BCAP31: variants seen among roughly 807,000 people sequenced by gnomAD.
The protein encoded by BCAP31 is B-cell receptor-associated protein 31.
For synonymous variants in BCAP31, 75 were observed against 80.9 expected (o/e 0.93, Z 0.39); for missense variants, 124 against 193.0 (o/e 0.64, Z 2.12).
At chrX:153,719,813 C>T (rs1237123387) in intron 3 of BCAP31, among the ~76,000 whole-genome samples, 1 of 111,922 alleles carries the variant, frequency 8.9e-6, no homozygotes, top group Non-Finnish European at 1.9e-5. Flanking sequence ...TGATTCTTGT[C>T]TCCAGATGGT....
At chrX:153,702,274 A>G (rs2091523608) in intron 6 of BCAP31, 167 bp from the exon 7 acceptor site, 1 of 427,880 alleles carries the variant, frequency 2.3e-6, no homozygotes, top group African/African-American at 2.5e-5. Flanking sequence ...CAGGCCCCCA[A>G]AGTAGAGGGA....
intron 4 of BCAP31, among the ~76,000 whole-genome samples, chrX:153,712,565 C>T (rs1486750001): frequency 9.0e-6 from 1 of 111,160 alleles, no homozygotes; most frequent in African/African-American, 3.3e-5. Flanking sequence ...TTTTTAAACA[C>T]GGGAATGTTT....
At chrX:153,703,923 A>C (rs1557047889) in intron 5 of BCAP31, 36 bp downstream of exon 5, 2 of 1,204,259 alleles carry the variant, frequency 1.7e-6, no homozygotes, top group Non-Finnish European at 2.2e-6. Flanking sequence ...GTGTAACACC[A>C]GGACGCCCCA....
At chrX:153,717,525 C>T (rs1272083194) in intron 3 of BCAP31, among the ~76,000 whole-genome samples, 2 of 112,468 alleles carry the variant, frequency 1.8e-5, no homozygotes, top group Non-Finnish European at 3.8e-5. Flanking sequence ...GCAACCTCCA[C>T]CTCTCAGCCT....
chrX:153,707,383 A>AAG (rs1557048473), intron 4 of BCAP31, among the ~76,000 whole-genome samples: 6 of 107,309 alleles, frequency 5.6e-5, no homozygotes, highest in Non-Finnish European at 9.7e-5. Context: ...AAAAAAAAAA[A>AAG]GGGGGGGAGG....
chrX:153,711,120 T>TA (rs1400402939), intron 4 of BCAP31, among the ~76,000 whole-genome samples: 1 of 110,271 alleles, frequency 9.1e-6, no homozygotes, highest in Non-Finnish European at 1.9e-5. Flanking sequence ...CCTAGCACGA[T>TA]AGTGTTACTC....
chrX:153,709,191 AG>A (rs1284626521), intron 4 of BCAP31, among the ~76,000 whole-genome samples: 1 of 111,933 alleles, frequency 8.9e-6, no homozygotes, highest in Non-Finnish European at 1.9e-5. Flanking sequence ...ACTTAGGCAA[AG>A]GTAGTCTGTG....
chrX:153,714,452 G>T, intron 4 of BCAP31, among the ~76,000 whole-genome samples: 1 of 111,204 alleles, frequency 9.0e-6, no homozygotes, highest in Non-Finnish European at 1.9e-5. Context: ...CAAGCTTGTA[G>T]ATCAAATCTG....
At chrX:153,720,260 T>C (rs1340446831) in intron 3 of BCAP31, among the ~76,000 whole-genome samples, 1 of 111,051 alleles carries the variant, frequency 9.0e-6, no homozygotes, top group East Asian at 2.8e-4. Context: ...TCAGAAACCT[T>C]AGGCGTCCCT....
intron 7 of BCAP31, 25 bp from the exon 8 acceptor site, chrX:153,701,000 G>A: frequency 8.3e-7 from 1 of 1,197,738 alleles, no homozygotes; most frequent in Non-Finnish European, 1.1e-6. Flanking sequence ...AAATCCCACA[G>A]CAGTAGGTTG....
intron 4 of BCAP31, among the ~76,000 whole-genome samples, chrX:153,713,124 G>A (rs369546626): frequency 2.7e-5 from 3 of 111,125 alleles, no homozygotes; most frequent in South Asian, 3.8e-4. Context: ...GGAGAATGGC[G>A]TGAACCCGGG....
At chrX:153,703,660 C>T (rs1272365647) in intron 5 of BCAP31, among the ~76,000 whole-genome samples, 3 of 112,728 alleles carry the variant, frequency 2.7e-5, no homozygotes, top group African/African-American at 9.7e-5. Context: ...CTTCGGATCA[C>T]AGCAGAGGGC....
chrX:153,724,099 A>C, intron 1 of BCAP31: 1 of 295,240 alleles, frequency 3.4e-6, no homozygotes, highest in Non-Finnish European at 6.4e-6. Flanking sequence ...CCGGAGGCCC[A>C]TCCCGGCCGC....
At chrX:153,703,598 G>A (rs2091533861) in intron 5 of BCAP31, among the ~76,000 whole-genome samples, 1 of 113,013 alleles carries the variant, frequency 8.8e-6, no homozygotes, top group African/African-American at 3.2e-5. Context: ...CAGACCCCGA[G>A]TTCCAGAGGG....
intron 2 of BCAP31, among the ~76,000 whole-genome samples, chrX:153,722,061 C>T (rs1321666126): frequency 8.9e-6 from 1 of 111,910 alleles, no homozygotes; most frequent in Non-Finnish European, 1.9e-5. Context: ...ACATGATAAA[C>T]CTTGGTTTGT....
At chrX:153,717,698 G>A (rs963520378) in intron 3 of BCAP31, among the ~76,000 whole-genome samples, 1 of 112,809 alleles carries the variant, frequency 8.9e-6, no homozygotes. Context: ...TTACAGGCGT[G>A]AGTCAGGGCA....
At chrX:153,710,042 G>A (rs1271494927) in intron 4 of BCAP31, among the ~76,000 whole-genome samples, 5 of 112,501 alleles carry the variant, frequency 4.4e-5, no homozygotes, top group African/African-American at 9.7e-5. Context: ...CGGCTGGGCC[G>A]GCAGCTGGAG....
At chrX:153,715,911 A>G (rs1313476047) in intron 3 of BCAP31, among the ~76,000 whole-genome samples, 1 of 106,524 alleles carries the variant, frequency 9.4e-6, no homozygotes, top group Admixed American at 1.0e-4. Flanking sequence ...TAATCTCAGC[A>G]CTTTGGGAGG....
chrX:153,713,881 CTTTT>C (rs1209475410), intron 4 of BCAP31, among the ~76,000 whole-genome samples: 5 of 63,530 alleles, frequency 7.9e-5, no homozygotes, highest in Non-Finnish European at 1.4e-4. Flanking sequence ...CGATACTATT[CTTTT>C]TTTTTTTTTT....
Sources: allele counts gnomAD v4.1 joint callset (sites outside exome capture counted in the v4.1 genomes callset), GRCh38; gene constraint gnomAD v4.1.1; transcripts MANE v1.5; gene names NCBI Gene and HGNC (gene_info 2026-07-23, HGNC 2026-07-21).